The following ALK variants were observed in gnomAD, a reference collection of about 807,000 sequenced individuals.
The protein encoded by ALK is ALK receptor tyrosine kinase.
Under a neutral mutation model 163.1 loss-of-function variants are expected in ALK, and 74 were observed. That is an observed-to-expected ratio of 0.45 (90% confidence interval 0.38 to 0.55). The LOEUF (loss-of-function observed/expected upper bound fraction) is 0.55. Ranked by LOEUF, ALK falls within the 20% of genes least tolerant of loss-of-function variation. The probability of loss-of-function intolerance (pLI) is 0.00; values close to 1 mark genes in which losing one functional copy is unlikely to be tolerated. For synonymous variants in ALK, 960 were observed against 843.2 expected, an observed-to-expected ratio of 1.14 and a Z score of -2.40; for missense variants, 2,063 against 2,105.3, an observed-to-expected ratio of 0.98 and a Z score of 0.39.
At chr2:29,873,255 G>T (rs1157162017) in intron 1 of ALK, among the ~76,000 whole-genome samples, 1 of 152,220 alleles carries the variant, frequency 6.6e-6, no homozygotes, top group Non-Finnish European at 1.5e-5. Flanking sequence ...TTGGTGGCTT[G>T]ATTTCAGATG....
intron 9 of ALK, among the ~76,000 whole-genome samples, chr2:29,283,535 T>G (rs1665768444): frequency 6.6e-6 from 1 of 152,156 alleles, no homozygotes; most frequent in South Asian, 2.1e-4. Context: ...AAGGGTGGTT[T>G]CTACCTCTCT....
At chr2:29,545,453 T>C (rs1673528800) in intron 3 of ALK, among the ~76,000 whole-genome samples, 1 of 152,224 alleles carries the variant, frequency 6.6e-6, no homozygotes, top group South Asian at 2.1e-4. Flanking sequence ...ACCGTGCTCA[T>C]TGGCATGCTT....
intron 9 of ALK, among the ~76,000 whole-genome samples, chr2:29,284,266 A>T (rs1665790670): frequency 6.6e-6 from 1 of 152,118 alleles, no homozygotes; most frequent in Non-Finnish European, 1.5e-5. Flanking sequence ...TATTTGAGTC[A>T]TCTGCATAGA....
At chr2:29,260,470 G>T (rs1665058325) in intron 11 of ALK, among the ~76,000 whole-genome samples, 1 of 152,000 alleles carries the variant, frequency 6.6e-6, no homozygotes, top group Non-Finnish European at 1.5e-5. Flanking sequence ...AGTTTTCCTG[G>T]ATTTTTAGGG....
At chr2:29,633,463 A>G (rs914445776) in intron 3 of ALK, among the ~76,000 whole-genome samples, 2 of 152,120 alleles carry the variant, frequency 1.3e-5, no homozygotes, top group African/African-American at 4.8e-5. Flanking sequence ...TGCTTACATT[A>G]GAAAAGAATA....
chr2:29,532,230 T>C, intron 3 of ALK, 114 bp from the exon 4 acceptor site: 6 of 969,900 alleles, frequency 6.2e-6, no homozygotes, highest in Non-Finnish European at 8.0e-6. Context: ...TGGAGGCCAT[T>C]ATCTCCTTCT....
intron 1 of ALK, among the ~76,000 whole-genome samples, chr2:29,825,892 G>C (rs554559883): frequency 6.6e-6 from 1 of 152,062 alleles, no homozygotes; most frequent in South Asian, 2.1e-4. Flanking sequence ...CAACAAAAAG[G>C]GCAATTGGAT....
intron 3 of ALK, among the ~76,000 whole-genome samples, chr2:29,619,443 C>A (rs1013177189): frequency 6.6e-6 from 1 of 152,176 alleles, no homozygotes; most frequent in South Asian, 2.1e-4. Flanking sequence ...GCCCTCAGAT[C>A]GAGCTCTCCT....
At chr2:29,422,488 T>G (rs1670038070) in intron 4 of ALK, among the ~76,000 whole-genome samples, 1 of 147,148 alleles carries the variant, frequency 6.8e-6, no homozygotes, top group Admixed American at 6.6e-5. Flanking sequence ...CAATTACTTT[T>G]GCACCAACCT....
At chr2:29,218,726 G>C (rs1669705558) in intron 23 of ALK, among the ~76,000 whole-genome samples, 1 of 152,234 alleles carries the variant, frequency 6.6e-6, no homozygotes, top group African/African-American at 2.4e-5. Flanking sequence ...TTAAGCCTCA[G>C]GAAGGTCCAG....
intron 1 of ALK, among the ~76,000 whole-genome samples, chr2:29,730,350 T>A (rs150383679): frequency 2.0e-5 from 3 of 152,176 alleles, no homozygotes. Flanking sequence ...TACAGAATTA[T>A]AGTGTTATGT....
At position 29,228,927 on chromosome 2, in the gene ALK, A is replaced by G; in HGVS notation, c.2772T>C (p.Gly924=). The change falls in exon 16 of 29, where the codon GGT becomes GGC. Residue 924 remains glycine, a synonymous_variant. Transcript: ENST00000389048. ...CTCCACCTGAGGAGCACCCCCCTCC[A>G]CCCCCTCCGAAACCCCCTCTTGTCT... ...GWETRGGFGG[G]GGGCSSGGGG... 6 of 565,820 alleles carry G rather than the reference A, an allele frequency of 1.1e-5. No individual in the cohort carries two copies. The highest frequency in any genetic ancestry group is 1.4e-5 in the Non-Finnish European group (5 of 361,452). 35.0% of individuals were successfully genotyped at this position (565,820 alleles called of 1,614,324 possible).
At chr2:29,195,545 A>G (rs1236938007) in intron 28 of ALK, among the ~76,000 whole-genome samples, 1 of 152,144 alleles carries the variant, frequency 6.6e-6, no homozygotes, top group Non-Finnish European at 1.5e-5. Flanking sequence ...TCAGCCTGCC[A>G]AAATGGTGAA....
intron 3 of ALK, among the ~76,000 whole-genome samples, chr2:29,626,112 G>A (rs1424062064): frequency 6.6e-6 from 1 of 152,202 alleles, no homozygotes; most frequent in Non-Finnish European, 1.5e-5. Flanking sequence ...CTGAAGGGCT[G>A]TGTCCCTCAA....
chr2:29,700,056 T>G (rs1678686463), intron 2 of ALK, among the ~76,000 whole-genome samples: 1 of 152,228 alleles, frequency 6.6e-6, no homozygotes, highest in Admixed American at 6.5e-5. Flanking sequence ...CATTCATCTC[T>G]GAAGGTCAGT....
intron 1 of ALK, among the ~76,000 whole-genome samples, chr2:29,833,095 C>G (rs1348245240): frequency 1.3e-5 from 2 of 152,164 alleles, no homozygotes; most frequent in Non-Finnish European, 2.9e-5. Flanking sequence ...ACAGAGAGGG[C>G]TGTCAGGGGA....
intron 27 of ALK, 83 bp downstream of exon 27, chr2:29,197,459 A>G: frequency 6.3e-7 from 1 of 1,589,860 alleles, no homozygotes; most frequent in East Asian, 2.2e-5. Context: ...CCTTCATCTT[A>G]AAGAAGCATA....
rs772016409 is a variant in ALK at position 29,920,719 on chromosome 2, C to G, written c.-60G>C. ...GCCCAGCCTCACCCTTCGCTCTCCC[C>G]GAGATGGGAAGAGGCTCTGAACAGT... On this transcript the variant is annotated 5_prime_UTR_variant, in exon 1 of 29. Coordinates refer to ENST00000389048, the MANE Select transcript of ALK (RefSeq NM_004304.5). 7.0e-6 allele frequency: 10 copies of G among 1,435,662 alleles called. No homozygotes were observed. Among genetic ancestry groups the G allele is most frequent in the South Asian group, 2.5e-5 (2 of 81,340 alleles). 88.9% of individuals were successfully genotyped at this position (1,435,662 alleles called of 1,614,324 possible). A position where few individuals can be genotyped will look rare whatever the true frequency, so the allele number is the denominator to read the frequency against.
chr2:29,303,577 G>T (rs1477694336), intron 8 of ALK, among the ~76,000 whole-genome samples: 1 of 152,168 alleles, frequency 6.6e-6, no homozygotes, highest in Non-Finnish European at 1.5e-5. Flanking sequence ...AAAGACACCT[G>T]CAGTCACATG....
Sources: gnomAD v4.1 joint callset for allele counts (sites outside exome capture counted in the v4.1 genomes callset) on GRCh38, gnomAD v4.1.1 for gene constraint, MANE v1.5 for transcripts, NCBI Gene and HGNC (gene_info 2026-07-23, HGNC 2026-07-21) for gene names.